Variants in RANBP17 observed in about 807,000 individuals in gnomAD.
The protein encoded by RANBP17 is RAN binding protein 17, also known as ran-binding protein 17.
Under a neutral mutation model 141.2 loss-of-function variants are expected in RANBP17, and 158 were observed. The observed-to-expected ratio is 1.12, with a 90% CI of 0.98 to 1.28. The LOEUF is 1.28. Ranked by LOEUF, RANBP17 falls within the 50% of genes most tolerant of loss-of-function variation. The pLI is 0.00. For missense variants in RANBP17, 1,438 were observed against 1,290.7 expected (o/e 1.11, Z -1.75); for synonymous variants, 430 against 450.0 (o/e 0.96, Z 0.56).
chr5:171,174,743 A>C (rs1001080650), intron 16 of RANBP17, among the ~76,000 whole-genome samples: 1 of 137,694 alleles, frequency 7.3e-6, no homozygotes, highest in African/African-American at 2.8e-5. Flanking sequence ...AAAACTAAAA[A>C]TATCTAGAGT....
rs907361140 is a variant in RANBP17 at position 171,089,270 on chromosome 5, C to G, written c.1711-80860C>G. The stretch of plus-strand genomic sequence containing the variant: ...GGGGGGGCCTCCCAGTTAGGCTGCT[C>G]GGGGGTCACGGGTCAGGGACCCACT... On this transcript the variant is annotated intron_variant, in intron 14 of 27. Transcript: ENST00000523189. Among the ~76,000 whole-genome samples, 140 of 97,316 alleles carry G rather than the reference C, an allele frequency of 1.4e-3. 11 individuals carry two copies. In the South Asian group the frequency reaches 0.035, roughly 24 times the overall value. 63.8% of individuals were successfully genotyped at this position (97,316 alleles called of 152,430 possible). A position where few individuals can be genotyped will look rare whatever the true frequency, so the allele number is the denominator to read the frequency against.
intron 5 of RANBP17, among the ~76,000 whole-genome samples, chr5:170,901,666 T>C (rs949638546): frequency 6.6e-6 from 1 of 152,256 alleles, no homozygotes; most frequent in African/African-American, 2.4e-5. Context: ...TACCAGTTTT[T>C]CCTTTCCATA....
At position 171,229,522 on chromosome 5, in the gene RANBP17, G is replaced by A. The variant is rs542626626; in HGVS notation, c.2422+7682G>A. ...CAATTCTCCTGCCTCAGCCTCCCGA[G>A]TAACTGGGATTATAGGTGCCCGCCA... On this transcript the variant is annotated intron_variant, in intron 22 of 27. Transcript: ENST00000523189. 3.3e-5 allele frequency among the ~76,000 whole-genome samples: 5 copies of A among 151,900 alleles called. No individual in the cohort carries two copies. In the South Asian group the frequency reaches 8.4e-4, roughly 25 times the overall value.
rs371474320 is a variant in RANBP17 at position 171,205,525 on chromosome 5, G to C, written c.2144G>C (p.Arg715Pro). The C allele has an allele frequency of 3.1e-6, 5 of 1,613,134 alleles. No homozygotes were observed. The Admixed American group carries it at 5.0e-5, about 16-fold the overall frequency. The change falls in exon 20 of 28, where the codon CGT (arginine) becomes CCT (proline). Residue 715 changes from arginine (R) to proline (P), a missense_variant and splice_region_variant. Arg to Pro is a moderately radical substitution (Grantham distance 103). Coordinates refer to ENST00000523189, the MANE Select transcript of RANBP17 (RefSeq NM_022897.5). ...ACTGTGTCTCTTTCCCACTGACAGCGTATGTTGATCGGGCTGGCAAGAGAT... is the reference window on the plus strand; with the variant it reads ...ACTGTGTCTCTTTCCCACTGACAGCCTATGTTGATCGGGCTGGCAAGAGAT... ...NNNFKQEDVK[R>P]MLIGLARDLR... is the part of the protein sequence containing the mutation.
intron 12 of RANBP17, among the ~76,000 whole-genome samples, chr5:170,934,173 CTTCT>C (rs1773657942): frequency 6.6e-6 from 1 of 152,056 alleles, no homozygotes; most frequent in South Asian, 2.1e-4. Flanking sequence ...ACGTAATGCC[CTTCT>C]TTGTCTCTTT....
At position 170,918,876 on chromosome 5, in the gene RANBP17, A is replaced by G; in HGVS notation, c.1101+17A>G. On this transcript the variant is annotated intron_variant, in intron 10 of 27. Coordinates refer to ENST00000523189, the MANE Select transcript of RANBP17 (RefSeq NM_022897.5). ...AGCCTACAGGTAGGTAAAAATATGT[A>G]ATTATGTTAAACTGTAGCCAGTTTT... The G allele has an allele frequency of 6.6e-7, 1 of 1,522,748 alleles. No homozygotes were observed. The allele number at this position is 1,522,748 out of a possible 1,614,324, so 94.3% of individuals were successfully genotyped here.
At chr5:171,243,054 A>G in intron 24 of RANBP17, 1 of 494,932 alleles carries the variant, frequency 2.0e-6, no homozygotes, top group Non-Finnish European at 3.6e-6. Context: ...AATAAAATTC[A>G]GTGACTTTAA....
At chr5:170,931,551 T>G (rs1561902818) in intron 12 of RANBP17, among the ~76,000 whole-genome samples, 1 of 152,236 alleles carries the variant, frequency 6.6e-6, no homozygotes, top group Non-Finnish European at 1.5e-5. Context: ...GTCTAACATG[T>G]AAGTCTTTAA....
chr5:171,191,843 A>G (rs1761670893), intron 18 of RANBP17, among the ~76,000 whole-genome samples: 1 of 152,174 alleles, frequency 6.6e-6, no homozygotes, highest in Admixed American at 6.5e-5. Context: ...GAGAAATACA[A>G]CTTTTTTCCT....
At chr5:171,163,822 G>T (rs535872192) in intron 14 of RANBP17, among the ~76,000 whole-genome samples, 1 of 152,126 alleles carries the variant, frequency 6.6e-6, no homozygotes, top group Non-Finnish European at 1.5e-5. Context: ...TTCAGAGAAG[G>T]TTTGTCATCC....
rs1325283924 is a variant in RANBP17 at position 171,091,673 on chromosome 5, C to T, written c.1711-78457C>T. The stretch of plus-strand genomic sequence containing the variant: ...GGGACCTGGTGGGAGGTAACTGAAT[C>T]ATTGGGCAGATCTTTCCCATGCTGT... On this transcript the variant is annotated intron_variant, in intron 14 of 27. Coordinates refer to ENST00000523189, the MANE Select transcript of RANBP17 (RefSeq NM_022897.5). Among the ~76,000 whole-genome samples, 3 of 152,170 alleles carry T rather than the reference C, an allele frequency of 2.0e-5. No homozygotes were observed. The East Asian group carries it at 5.8e-4, about 29-fold the overall frequency.
chr5:171,073,935 ATGAAT>A (rs1329338772), intron 14 of RANBP17, among the ~76,000 whole-genome samples: 2 of 152,080 alleles, frequency 1.3e-5, no homozygotes, highest in African/African-American at 4.8e-5. Flanking sequence ...ATATAAACAA[ATGAAT>A]TGATGAATTC....
At chr5:171,094,810 T>C (rs182165192) in intron 14 of RANBP17, among the ~76,000 whole-genome samples, 4 of 152,224 alleles carry the variant, frequency 2.6e-5, no homozygotes, top group Non-Finnish European at 4.4e-5. Flanking sequence ...TGTATTCATA[T>C]TGGCAAGTTT....
intron 22 of RANBP17, among the ~76,000 whole-genome samples, chr5:171,228,516 A>G (rs1764009892): frequency 6.6e-6 from 1 of 152,250 alleles, no homozygotes; most frequent in Non-Finnish European, 1.5e-5. Context: ...GCTTTAAAAT[A>G]TGACATAACC....
chr5:171,248,938 A>G (rs1465779007), intron 24 of RANBP17, among the ~76,000 whole-genome samples: 1 of 152,186 alleles, frequency 6.6e-6, no homozygotes, highest in Non-Finnish European at 1.5e-5. Flanking sequence ...CTACCAGCAT[A>G]TGTGCAAGCC....
chr5:171,144,298 G>A (rs927689787), intron 14 of RANBP17, among the ~76,000 whole-genome samples: 1 of 151,920 alleles, frequency 6.6e-6, no homozygotes, highest in Non-Finnish European at 1.5e-5. Context: ...CCCAGGAGGT[G>A]GAGGTTACAG....
intron 14 of RANBP17, among the ~76,000 whole-genome samples, chr5:171,119,326 T>C (rs1755856901): frequency 6.6e-6 from 1 of 152,254 alleles, no homozygotes; most frequent in South Asian, 2.1e-4. Context: ...GATATTGGCC[T>C]GTAGCTTTGA....
chr5:170,906,681 C>T (rs1281539110), intron 5 of RANBP17, among the ~76,000 whole-genome samples: 3 of 151,926 alleles, frequency 2.0e-5, no homozygotes, highest in Non-Finnish European at 4.4e-5. Flanking sequence ...ATGGATTCCT[C>T]GTTTCATTCT....
chr5:171,123,686 T>C (rs1756213991), intron 14 of RANBP17, among the ~76,000 whole-genome samples: 1 of 152,352 alleles, frequency 6.6e-6, no homozygotes, highest in Admixed American at 6.5e-5. Flanking sequence ...CCAACCCACC[T>C]GGTGTCCCCA....
Sources: gnomAD v4.1 joint callset for allele counts (sites outside exome capture counted in the v4.1 genomes callset) on GRCh38, gnomAD v4.1.1 for gene constraint, MANE v1.5 for transcripts, NCBI Gene and HGNC (gene_info 2026-07-23, HGNC 2026-07-21) for gene names.